Variants in CELF2 observed in about 807,000 individuals in gnomAD.
The protein encoded by CELF2 is CUGBP Elav-like family member 2, also known as CUG triplet repeat RNA-binding protein 2.
In CELF2, 8 loss-of-function variants were observed where a neutral mutation model predicts 62.6. The ratio of observed to expected loss-of-function variants is 0.13; its 90% CI spans 0.07 to 0.23. The LOEUF (loss-of-function observed/expected upper bound fraction) is 0.23. Among genes scored for constraint, CELF2 ranks in the 10% least tolerant of loss-of-function variants. The pLI, the probability that CELF2 is intolerant of heterozygous loss-of-function variation, is 1.00. For missense variants in CELF2, 333 were observed against 671.0 expected (o/e 0.50, Z 5.56); for synonymous variants, 258 against 250.0 (o/e 1.03, Z -0.30).
At chr10:10,846,277 C>T (rs954110956) in intron 1 of CELF2, 11 of 204,362 alleles carry the variant, frequency 5.4e-5, no homozygotes, top group African/African-American at 2.4e-4. Context: ...CTTCTTGCTT[C>T]CCAGGACTTG....
chr10:10,727,632 C>T, the CELF2 span, among the ~76,000 whole-genome samples: 9 of 151,934 alleles, frequency 5.9e-5, no homozygotes, highest in Admixed American at 2.6e-4. Context: ...AAAAATTAGC[C>T]GGGCGTGCTG....
At position 11,328,854 on chromosome 10, in the gene CELF2, A is replaced by G; in HGVS notation, c.1439-72A>G. Reference sequence around the variant, plus strand: ...ATGCTGGCTCTTCAGCCTTCCCCAGAGCTCCAGCCCCCTTTTCTGTTTTCT... The same window carrying G: ...ATGCTGGCTCTTCAGCCTTCCCCAGGGCTCCAGCCCCCTTTTCTGTTTTCT... On this transcript the variant is annotated intron_variant, in intron 12 of 12. Transcript: ENST00000633077. This position sits in a 1 kb window ranked among gnomAD's most constrained non-coding sequence, Gnocchi z 6.4. 4 of 1,524,806 alleles carry G rather than the reference A, an allele frequency of 2.6e-6. No individual in the cohort carries two copies. Among genetic ancestry groups the G allele is most frequent in the East Asian group, 2.3e-5 (1 of 42,954 alleles). 94.5% of individuals were successfully genotyped at this position (1,524,806 alleles called of 1,614,324 possible).
At chr10:11,160,087 A>C (rs974977460) in intron 1 of CELF2, among the ~76,000 whole-genome samples, 5 of 152,236 alleles carry the variant, frequency 3.3e-5, no homozygotes, top group African/African-American at 1.2e-4. Context: ...TGAATTGGAC[A>C]CAGGCAAGGA....
intron 2 of CELF2, among the ~76,000 whole-genome samples, chr10:11,186,816 AT>A (rs2075072139): frequency 6.6e-6 from 1 of 152,200 alleles, no homozygotes. Context: ...GGGCCCAGGC[AT>A]TTTGGATAAA....
chr10:10,875,263 A>G (rs1486815096), intron 1 of CELF2, among the ~76,000 whole-genome samples: 1 of 152,244 alleles, frequency 6.6e-6, no homozygotes, highest in Non-Finnish European at 1.5e-5. Context: ...AAAATACAAA[A>G]TAAAATCATT....
At chr10:11,212,405 T>C (rs910610664) in intron 2 of CELF2, among the ~76,000 whole-genome samples, 1 of 152,222 alleles carries the variant, frequency 6.6e-6, no homozygotes, top group Non-Finnish European at 1.5e-5. Context: ...TTTTTCTGTC[T>C]TGTGTTCCTT....
intron 1 of CELF2, among the ~76,000 whole-genome samples, chr10:11,041,553 A>G (rs139978033): frequency 3.3e-4 from 50 of 152,384 alleles, no homozygotes; most frequent in Admixed American, 2.7e-3. Flanking sequence ...AAGTGCAGCT[A>G]TAGATGGTAT....
At chr10:11,183,938 T>G (rs774829026) in intron 2 of CELF2, among the ~76,000 whole-genome samples, 4 of 152,232 alleles carry the variant, frequency 2.6e-5, no homozygotes, top group Non-Finnish European at 4.4e-5. Context: ...TATTTATAAA[T>G]TCCTTCTTTT....
At chr10:11,006,072 C>G (rs189124641) in intron 1 of CELF2, among the ~76,000 whole-genome samples, 6 of 152,262 alleles carry the variant, frequency 3.9e-5, no homozygotes, top group Admixed American at 1.3e-4. Context: ...GCACCACTGA[C>G]CTTTTGGGAA....
At chr10:10,607,308 TA>T in the CELF2 span, among the ~76,000 whole-genome samples, 7 of 151,282 alleles carry the variant, frequency 4.6e-5, no homozygotes, top group South Asian at 2.1e-4. Context: ...AAGAAAATGT[TA>T]AAAAAAAATA....
the CELF2 span, among the ~76,000 whole-genome samples, chr10:10,737,317 G>A: frequency 6.6e-6 from 1 of 152,086 alleles, no homozygotes; most frequent in Non-Finnish European, 1.5e-5. Flanking sequence ...ATCATCCCAA[G>A]TGTAATGAAC....
At chr10:10,509,562 T>C in the CELF2 span, among the ~76,000 whole-genome samples, 2 of 152,314 alleles carry the variant, frequency 1.3e-5, no homozygotes, top group East Asian at 3.9e-4. Flanking sequence ...ATTTTTTTAT[T>C]GTCTGTAAGC....
At position 11,205,512 on chromosome 10, in the gene CELF2, T is replaced by C. The variant is rs988947570; in HGVS notation, c.272-11913T>C. On this transcript the variant is annotated intron_variant, in intron 2 of 12. Coordinates refer to ENST00000633077, the MANE Select transcript of CELF2 (RefSeq NM_001326342.2). ...TCATACGTTGTTTGGCTTAATGTGATACATCTATAATATAGCTGTCACTAA... is the reference window on the plus strand; with the variant it reads ...TCATACGTTGTTTGGCTTAATGTGACACATCTATAATATAGCTGTCACTAA... 2.6e-5 allele frequency among the ~76,000 whole-genome samples: 4 copies of C among 152,260 alleles called. No homozygotes were observed. In the East Asian group the frequency reaches 5.8e-4, roughly 22 times the overall value.
At chr10:10,506,052 G>T in the CELF2 span, among the ~76,000 whole-genome samples, 3 of 150,960 alleles carry the variant, frequency 2.0e-5, no homozygotes, top group Non-Finnish European at 4.4e-5. Context: ...TACTCCATTT[G>T]CCCAGAAGCA....
chr10:11,249,660 A>G (rs2653527), intron 4 of CELF2, among the ~76,000 whole-genome samples: 98,549 of 152,098 alleles, frequency 0.65, 32,353 homozygotes, highest in East Asian at 0.85. Flanking sequence ...CTTGGAGACT[A>G]CCTTATTGTA....
chr10:10,773,134 A>G, the CELF2 span, among the ~76,000 whole-genome samples: 1 of 152,208 alleles, frequency 6.6e-6, no homozygotes, highest in Admixed American at 6.5e-5. Context: ...ATCTCTTTAA[A>G]CACAAATATG....
Position 10,956,527 on chromosome 10 carries a change from C to T in CELF2, c.89+36528C>T, listed in dbSNP as rs1003177980. On this transcript the variant is annotated intron_variant, in intron 2 of 13. Coordinates refer to the CELF2 transcript ENST00000636488. The stretch of plus-strand genomic sequence containing the variant: ...ATTGTGACCCAAAGCACTTTCTTAC[C>T]TTCTCTGAACCTCACTGTTAACTTC... Among the ~76,000 whole-genome samples the T allele has an allele frequency of 1.4e-3, 209 of 152,242 alleles. 1 individual carries two copies. Among genetic ancestry groups the T allele is most frequent in the Non-Finnish European group, 7.8e-4 (53 of 68,018 alleles).
intron 1 of CELF2, among the ~76,000 whole-genome samples, chr10:10,806,352 G>A (rs928621113): frequency 1.3e-5 from 2 of 151,892 alleles, no homozygotes; most frequent in African/African-American, 2.4e-5. Context: ...TTACAGGCAC[G>A]TCCCACCACA....
intron 1 of CELF2, among the ~76,000 whole-genome samples, chr10:10,815,120 C>A (rs1326645921): frequency 6.6e-6 from 1 of 152,166 alleles, no homozygotes; most frequent in Non-Finnish European, 1.5e-5. Context: ...ATCTTAAAGA[C>A]TTTAATTGCA....
Sources: gnomAD v4.1 joint callset for allele counts (sites outside exome capture counted in the v4.1 genomes callset) on GRCh38, gnomAD v4.1.1 for gene constraint, Gnocchi (gnomAD v3.1) non-coding constraint, MANE v1.5 for transcripts, NCBI Gene and HGNC (gene_info 2026-07-23, HGNC 2026-07-21) for gene names.